Variants in GBX1 observed in about 807,000 individuals in gnomAD.
GBX1 encodes homeobox protein GBX-1.
Under a neutral mutation model 22.9 loss-of-function variants are expected in GBX1, and 9 were observed. That is an observed-to-expected ratio of 0.39 (90% CI 0.24 to 0.69). GBX1 has a LOEUF of 0.69. Among genes scored for constraint, GBX1 ranks in the 30% least tolerant of loss-of-function variants. GBX1 has a pLI of 0.43. For synonymous variants in GBX1, 203 were observed against 227.3 expected (o/e 0.89, Z 0.96); for missense variants, 494 against 509.2 (o/e 0.97, Z 0.29).
intron 1 of GBX1, among the ~76,000 whole-genome samples, chr7:151,155,265 T>A (rs1407540879): frequency 1.3e-5 from 2 of 152,164 alleles, no homozygotes; most frequent in Non-Finnish European, 2.9e-5. Flanking sequence ...CTGAATCCAG[T>A]TCCAGTTTGG....
At chr7:151,162,635 T>C (rs1801197661) in intron 1 of GBX1, among the ~76,000 whole-genome samples, 1 of 152,218 alleles carries the variant, frequency 6.6e-6, no homozygotes, top group Non-Finnish European at 1.5e-5. Context: ...ATACTGGTAT[T>C]AGTTTTCACG....
At chr7:151,149,284 G>A in intron 1 of GBX1, 142 bp from the exon 2 acceptor site, 1 of 754,276 alleles carries the variant, frequency 1.3e-6, no homozygotes. Flanking sequence ...GGAGAAGATG[G>A]GGAGGGACAG....
rs1421691753 is a variant in GBX1 at position 151,148,515 on chromosome 7, T to A, written c.*74A>T. On this transcript the variant is annotated 3_prime_UTR_variant, in exon 2 of 2. Coordinates refer to ENST00000297537, the MANE Select transcript of GBX1 (RefSeq NM_001098834.3). The surrounding 1 kb of genome is among the most constrained non-coding windows in gnomAD (Gnocchi z 5.1). ...AGAATCACAGTTGCAGCCCCTCTGG[T>A]CCACAGAACCCTGACAGTCTCAGAG... The A allele has an allele frequency of 1.4e-6, 2 of 1,409,212 alleles. No individual in the cohort carries two copies. Among genetic ancestry groups the A allele is most frequent in the African/African-American group, 2.9e-5 (2 of 69,944 alleles). The allele number at this position is 1,409,212 out of a possible 1,614,324, so 87.3% of individuals were successfully genotyped here. A position where few individuals can be genotyped will look rare whatever the true frequency, so the allele number is the denominator to read the frequency against.
chr7:151,167,155 C>A lies in GBX1; in HGVS notation c.394G>T (p.Ala132Ser). 1 of 1,596,314 alleles carries A rather than the reference C, an allele frequency of 6.3e-7. No individual in the cohort carries two copies. ...CCTGGCTCGGGGTTGTTTCGGGCGG[C>A]AGTGGCGGCGGCGGCGGCAGCGGCG... ...AAAAAAAAAT[A>S]ARNNPEPGGR... Residue 132 changes from alanine (A) to serine (S), a missense_variant, in exon 1 of 2, where the codon GCC becomes TCC. Physicochemically the swap from Ala to Ser is moderately conservative, Grantham distance 99. Coordinates refer to ENST00000297537, the MANE Select transcript of GBX1 (RefSeq NM_001098834.3). The surrounding 1 kb of genome is among the most constrained non-coding windows in gnomAD (Gnocchi z 5.9).
chr7:151,156,001 C>G (rs912238561), intron 1 of GBX1, among the ~76,000 whole-genome samples: 1 of 152,154 alleles, frequency 6.6e-6, no homozygotes, highest in Non-Finnish European at 1.5e-5. Flanking sequence ...TTCCAGTAAA[C>G]TATTTTCTCC....
Position 151,148,986 on chromosome 7 carries a change from G to A in GBX1, c.695C>T (p.Pro232Leu). ...SAGGPGALLG[P>L]KPKLKGSLGT... ...CAGGCTTCCCTTTAGCTTCGGTTTAGGTCCCAGAAGAGCCCCTGGGCCCCC... is the reference window on the plus strand; with the variant it reads ...CAGGCTTCCCTTTAGCTTCGGTTTAAGTCCCAGAAGAGCCCCTGGGCCCCC... The change falls in exon 2 of 2, where the codon CCT (proline) becomes CTT (leucine). Residue 232 changes from proline to leucine, a missense_variant. This residue lies in a region of GBX1 where 365 missense variants were observed against 340.4 expected (regional missense o/e 1.07). Coordinates refer to ENST00000297537, the MANE Select transcript of GBX1 (RefSeq NM_001098834.3). The surrounding 1 kb of genome is among the most constrained non-coding windows in gnomAD (Gnocchi z 5.1). 1 of 1,613,984 alleles carries A rather than the reference G, an allele frequency of 6.2e-7. No homozygotes were observed. The highest frequency in any genetic ancestry group is 1.7e-5 in the Admixed American group (1 of 60,002).
intron 1 of GBX1, among the ~76,000 whole-genome samples, chr7:151,166,527 A>G (rs1289939143): frequency 1.9e-5 from 2 of 106,156 alleles, no homozygotes; most frequent in Non-Finnish European, 3.6e-5. Flanking sequence ...CCCTGCATCC[A>G]CAGAGCCTAT....
At position 151,155,903 on chromosome 7, in the gene GBX1, G is replaced by A. The variant is rs543459745; in HGVS notation, c.539-6761C>T. 1.6e-4 allele frequency among the ~76,000 whole-genome samples: 24 copies of A among 152,228 alleles called. 1 individual carries two copies. In the South Asian group the frequency reaches 2.1e-3, roughly 13 times the overall value. ...CAGATTAAATGATTTCCTAAGTCAC[G>A]CAGAGAGGGACAGAGTGTCAGGTCT... On this transcript the variant is annotated intron_variant, in intron 1 of 1. Transcript: ENST00000297537.
intron 1 of GBX1, among the ~76,000 whole-genome samples, chr7:151,165,550 G>C (rs1360862997): frequency 2.6e-5 from 4 of 152,122 alleles, no homozygotes; most frequent in Non-Finnish European, 5.9e-5. Context: ...TCATCCTGCT[G>C]GCTTCCAGGC....
At chr7:151,156,984 C>CAAA (rs34479548) in intron 1 of GBX1, among the ~76,000 whole-genome samples, 166 of 49,644 alleles carry the variant, frequency 3.3e-3, no homozygotes, top group Middle Eastern at 0.019. Context: ...GACTCTGTCT[C>CAAA]AAAAAAAAAA....
intron 1 of GBX1, among the ~76,000 whole-genome samples, chr7:151,151,127 T>C (rs1206218845): frequency 6.6e-6 from 1 of 152,182 alleles, no homozygotes; most frequent in Non-Finnish European, 1.5e-5. Flanking sequence ...TTCATCCCTC[T>C]CCTTTTCTTT....
At position 151,166,487 on chromosome 7, in the gene GBX1, AACACACACAC is replaced by A. The variant is rs767762750; in HGVS notation, c.538+514_538+523del. 3.8e-4 allele frequency among the ~76,000 whole-genome samples: 21 copies of A among 55,860 alleles called. No homozygotes were observed. In the Admixed American group the frequency reaches 4.3e-3, roughly 11 times the overall value. 36.6% of individuals were successfully genotyped at this position (55,860 alleles called of 152,430 possible). A position where few individuals can be genotyped will look rare whatever the true frequency, so the allele number is the denominator to read the frequency against. On this transcript the variant is annotated intron_variant, in intron 1 of 1. Coordinates refer to ENST00000297537, the MANE Select transcript of GBX1 (RefSeq NM_001098834.3). ...CTTTGAGACGCAACCCCCCCCCCCCAACACACACACACACACACACTCTTTTTGCCCCTGC... is the reference window on the plus strand; with the variant it reads ...CTTTGAGACGCAACCCCCCCCCCCCAACACACACACTCTTTTTGCCCCTGC...
chr7:151,151,739 T>C (rs1398255578), intron 1 of GBX1, among the ~76,000 whole-genome samples: 1 of 152,136 alleles, frequency 6.6e-6, no homozygotes, highest in African/African-American at 2.4e-5. Flanking sequence ...TCTCCCTATC[T>C]CCCGCTTCCA....
intron 1 of GBX1, among the ~76,000 whole-genome samples, chr7:151,162,275 T>C (rs908217469): frequency 5.9e-5 from 9 of 152,232 alleles, no homozygotes; most frequent in Non-Finnish European, 1.3e-4. Context: ...TAATTCCACG[T>C]CATATTATCA....
rs1236056887 is a variant in GBX1 at position 151,148,125 on chromosome 7, G to A, written c.*464C>T. 6.6e-6 allele frequency among the ~76,000 whole-genome samples: 1 copy of A among 152,110 alleles called. No homozygotes were observed. Among genetic ancestry groups the A allele is most frequent in the East Asian group, 1.9e-4 (1 of 5,196 alleles). The stretch of plus-strand genomic sequence containing the variant: ...AAACAACTTTCCCAATCCCTCTCAG[G>A]GGTGCAGACAGACGTACAGAGACAG... On this transcript the variant is annotated 3_prime_UTR_variant, in exon 2 of 2. Transcript: ENST00000297537. This position sits in a 1 kb window ranked among gnomAD's most constrained non-coding sequence, Gnocchi z 5.1.
intron 1 of GBX1, among the ~76,000 whole-genome samples, chr7:151,164,892 T>C (rs1381883289): frequency 6.8e-6 from 1 of 146,050 alleles, no homozygotes; most frequent in East Asian, 2.1e-4. Context: ...TAAAGAAAAT[T>C]ACTCCTAGTG....
chr7:151,162,804 CT>C (rs111815011), intron 1 of GBX1, among the ~76,000 whole-genome samples: 40,376 of 126,084 alleles, frequency 0.32, 4,852 homozygotes, highest in East Asian at 0.45. Context: ...TTTCTTCTGC[CT>C]TTTTTTTTTT....
At chr7:151,166,689 A>G (rs1373312411) in intron 1 of GBX1, among the ~76,000 whole-genome samples, 1 of 151,954 alleles carries the variant, frequency 6.6e-6, no homozygotes, top group Non-Finnish European at 1.5e-5. Flanking sequence ...ACAGAGGAGG[A>G]AAAAAATGAA....
At chr7:151,159,704 A>G (rs1333007325) in intron 1 of GBX1, among the ~76,000 whole-genome samples, 1 of 152,234 alleles carries the variant, frequency 6.6e-6, no homozygotes. Context: ...TCAGCCTATC[A>G]TAAATATTGT....
Sources: allele counts gnomAD v4.1 joint callset (sites outside exome capture counted in the v4.1 genomes callset), GRCh38; gene constraint gnomAD v4.1.1; regional missense constraint gnomAD v4.1.1; non-coding constraint Gnocchi (gnomAD v3.1); transcripts MANE v1.5; gene names NCBI Gene and HGNC (gene_info 2026-07-23, HGNC 2026-07-21).